SNTG1: variants seen among roughly 807,000 people sequenced by gnomAD.
SNTG1 encodes the protein gamma-1-syntrophin.
Under a neutral mutation model 74.7 loss-of-function variants are expected in SNTG1, and 39 were observed. The ratio of observed to expected loss-of-function variants is 0.52; its 90% CI spans 0.40 to 0.68. The LOEUF (loss-of-function observed/expected upper bound fraction) is 0.68. Among genes scored for constraint, SNTG1 ranks in the 30% least tolerant of loss-of-function variants. The pLI is 0.00. For missense variants in SNTG1, 685 were observed against 609.5 expected (o/e 1.12, Z -1.30); for synonymous variants, 254 against 217.1 (o/e 1.17, Z -1.49).
At chr8:50,636,590 C>T (rs140583575) in intron 13 of SNTG1, among the ~76,000 whole-genome samples, 184 of 152,232 alleles carry the variant, frequency 1.2e-3, no homozygotes, top group African/African-American at 4.1e-3. Flanking sequence ...GCTCTCCTTC[C>T]CCAAAGAGCA....
intron 8 of SNTG1, among the ~76,000 whole-genome samples, chr8:50,479,605 C>T (rs750613072): frequency 6.6e-6 from 1 of 152,102 alleles, no homozygotes; most frequent in Admixed American, 6.6e-5. Context: ...TGAGACTTGT[C>T]CATCCCAGCT....
intron 17 of SNTG1, among the ~76,000 whole-genome samples, chr8:50,726,435 C>T (rs1454571488): frequency 3.3e-5 from 5 of 152,080 alleles, no homozygotes; most frequent in Non-Finnish European, 5.9e-5. Context: ...AGTGGGGCCC[C>T]TCAGGCAGAG....
At chr8:50,311,142 G>A (rs368994619) in intron 2 of SNTG1, among the ~76,000 whole-genome samples, 151 of 152,276 alleles carry the variant, frequency 9.9e-4, no homozygotes, top group South Asian at 1.9e-3. Context: ...TTTTGAAAAT[G>A]TATTTCTTTC....
At chr8:50,547,709 A>G (rs1295947930) in intron 11 of SNTG1, among the ~76,000 whole-genome samples, 3 of 152,200 alleles carry the variant, frequency 2.0e-5, no homozygotes, top group African/African-American at 7.2e-5. Flanking sequence ...TTGAAGAAGT[A>G]TATGTATTCT....
At chr8:50,765,507 T>C (rs1393814122) in intron 18 of SNTG1, among the ~76,000 whole-genome samples, 1 of 151,970 alleles carries the variant, frequency 6.6e-6, no homozygotes, top group African/African-American at 2.4e-5. Flanking sequence ...TCTCTCTCTT[T>C]CAGGGTGTCC....
At chr8:50,539,421 AGAGGGCT>A (rs1219078747) in intron 11 of SNTG1, among the ~76,000 whole-genome samples, 1 of 152,138 alleles carries the variant, frequency 6.6e-6, no homozygotes, top group African/African-American at 2.4e-5. Flanking sequence ...AGGTAGATGG[AGAGGGCT>A]ATTCATATTT....
chr8:50,647,334 A>G (rs1214481998), intron 13 of SNTG1, among the ~76,000 whole-genome samples: 3 of 152,130 alleles, frequency 2.0e-5, no homozygotes, highest in Non-Finnish European at 2.9e-5. Flanking sequence ...TGTTCCCTGA[A>G]CTACACAGAG....
In SNTG1 at chr8:50,653,232, C is replaced by A. The variant is rs531471271; in HGVS notation, c.850-3677C>A. On this transcript the variant is annotated intron_variant, in intron 13 of 18. Transcript: ENST00000642720. The stretch of plus-strand genomic sequence containing the variant: ...TCCTAGACGATCAGCTCGCTTGAGG[C>A]CAGGAGTTCAAGACCAGCCTGGGCA... Among the ~76,000 whole-genome samples, 33 of 151,986 alleles carry A rather than the reference C, an allele frequency of 2.2e-4. No individual in the cohort carries two copies. In the South Asian group the frequency reaches 6.9e-3, roughly 32 times the overall value.
At chr8:50,712,308 C>T (rs1563773173) in intron 17 of SNTG1, among the ~76,000 whole-genome samples, 1 of 151,976 alleles carries the variant, frequency 6.6e-6, no homozygotes, top group Non-Finnish European at 1.5e-5. Context: ...AAAAAAGGTC[C>T]AGTTAAGAAA....
intron 15 of SNTG1, among the ~76,000 whole-genome samples, chr8:50,690,164 A>G (rs566612381): frequency 6.6e-5 from 10 of 152,008 alleles, no homozygotes; most frequent in African/African-American, 2.2e-4. Flanking sequence ...TCTTGCTAGC[A>G]GTCTATCAAT....
intron 1 of SNTG1, among the ~76,000 whole-genome samples, chr8:50,162,898 C>A (rs1330250246): frequency 1.3e-5 from 2 of 152,190 alleles, no homozygotes; most frequent in Non-Finnish European, 2.9e-5. Flanking sequence ...GACCCAGAAA[C>A]TTTCTCGCAT....
chr8:50,342,160 T>C (rs755641677), intron 2 of SNTG1, among the ~76,000 whole-genome samples: 9 of 152,050 alleles, frequency 5.9e-5, no homozygotes, highest in African/African-American at 2.2e-4. Flanking sequence ...TAAAAGGCAA[T>C]TTTTTTCCTT....
At chr8:50,313,868 C>T (rs1034361612) in intron 2 of SNTG1, among the ~76,000 whole-genome samples, 2 of 149,854 alleles carry the variant, frequency 1.3e-5, no homozygotes, top group Non-Finnish European at 2.9e-5. Context: ...TTGACATCCT[C>T]TTACTTCTGC....
intron 12 of SNTG1, among the ~76,000 whole-genome samples, chr8:50,573,979 A>T (rs2094563159): frequency 6.6e-6 from 1 of 152,034 alleles, no homozygotes; most frequent in South Asian, 2.1e-4. Flanking sequence ...ATAAAATAGG[A>T]TGATCTTAAT....
intron 15 of SNTG1, among the ~76,000 whole-genome samples, chr8:50,687,304 A>G (rs920028078): frequency 1.3e-5 from 2 of 152,192 alleles, no homozygotes; most frequent in African/African-American, 4.8e-5. Flanking sequence ...TAAATCCTTA[A>G]CTATCAATAC....
intron 2 of SNTG1, among the ~76,000 whole-genome samples, chr8:50,204,874 C>T (rs1270685378): frequency 6.6e-6 from 1 of 152,150 alleles, no homozygotes; most frequent in African/African-American, 2.4e-5. Flanking sequence ...CCAGCTTCAT[C>T]CATGTCCCTA....
intron 8 of SNTG1, among the ~76,000 whole-genome samples, chr8:50,483,391 C>T (rs2093756996): frequency 6.6e-6 from 1 of 151,622 alleles, no homozygotes; most frequent in African/African-American, 2.4e-5. Context: ...TTGGGATATA[C>T]ACATCCGTTT....
At chr8:49,968,059 C>T (rs1376660829) in intron 1 of SNTG1, among the ~76,000 whole-genome samples, 1 of 151,570 alleles carries the variant, frequency 6.6e-6, no homozygotes, top group African/African-American at 2.4e-5. Context: ...TTACTCTATA[C>T]CTGGTGAACA....
chr8:50,089,902 A>G (rs1016154921), intron 1 of SNTG1, among the ~76,000 whole-genome samples: 1 of 152,224 alleles, frequency 6.6e-6, no homozygotes, highest in Admixed American at 6.5e-5. Context: ...CCATCCCATT[A>G]CTGGGTATAT....
Sources: allele counts gnomAD v4.1 joint callset (sites outside exome capture counted in the v4.1 genomes callset), GRCh38; gene constraint gnomAD v4.1.1; transcripts MANE v1.5; gene names NCBI Gene and HGNC (gene_info 2026-07-23, HGNC 2026-07-21).